FBXW7: variants seen among roughly 807,000 people sequenced by gnomAD.
The protein encoded by FBXW7 is F-box/WD repeat-containing protein 7.
Under a neutral mutation model 86.3 loss-of-function variants are expected in FBXW7, and 11 were observed. The observed-to-expected ratio is 0.13, with a 90% CI of 0.08 to 0.21. The LOEUF (loss-of-function observed/expected upper bound fraction) is 0.21, where lower values mean the gene tolerates loss of function less well. Ranked by LOEUF, FBXW7 falls within the 10% of genes least tolerant of loss-of-function variation. The pLI, the probability that FBXW7 is intolerant of heterozygous loss-of-function variation, is 1.00. For synonymous variants in FBXW7, 313 were observed against 297.9 expected (o/e 1.05, Z -0.52); for missense variants, 488 against 847.4 (o/e 0.58, Z 5.27).
chr4:152,369,051 A>G (rs888756621), intron 4 of FBXW7, among the ~76,000 whole-genome samples: 2 of 152,136 alleles, frequency 1.3e-5, no homozygotes, highest in Non-Finnish European at 2.9e-5. Flanking sequence ...TTCAAAATTT[A>G]TGCTGTGCAT....
At chr4:152,351,889 A>G (rs1222457504) in intron 4 of FBXW7, among the ~76,000 whole-genome samples, 1 of 152,166 alleles carries the variant, frequency 6.6e-6, no homozygotes, top group East Asian at 1.9e-4. Flanking sequence ...CAAGGAAACC[A>G]CTGAGAAAGG....
At chr4:152,391,798 T>C (rs116742659) in intron 4 of FBXW7, among the ~76,000 whole-genome samples, 11 of 152,208 alleles carry the variant, frequency 7.2e-5, no homozygotes, top group Non-Finnish European at 1.2e-4. Context: ...AGCTGCCAGG[T>C]AGTAGAGTTG....
intron 6 of FBXW7, among the ~76,000 whole-genome samples, chr4:152,341,580 A>C (rs1730744389): frequency 1.3e-5 from 2 of 152,230 alleles, no homozygotes; most frequent in Non-Finnish European, 2.9e-5. Flanking sequence ...TTACTGAATA[A>C]ATAAATGAAT....
At chr4:152,369,156 A>G (rs1733760130) in intron 4 of FBXW7, among the ~76,000 whole-genome samples, 1 of 152,140 alleles carries the variant, frequency 6.6e-6, no homozygotes, top group South Asian at 2.1e-4. Flanking sequence ...TATAAATTTT[A>G]CCAACACATC....
At chr4:152,441,124 G>C (rs970518927) in intron 2 of FBXW7, among the ~76,000 whole-genome samples, 1 of 151,970 alleles carries the variant, frequency 6.6e-6, no homozygotes, top group African/African-American at 2.4e-5. Context: ...TCAGCAACTC[G>C]AACTTATATG....
intron 2 of FBXW7, among the ~76,000 whole-genome samples, chr4:152,490,389 T>C (rs1391992281): frequency 1.3e-5 from 2 of 152,124 alleles, no homozygotes; most frequent in African/African-American, 4.8e-5. Context: ...TTGTTACTTA[T>C]TGGACTCCCT....
intron 2 of FBXW7, among the ~76,000 whole-genome samples, chr4:152,504,508 G>A (rs1204386847): frequency 6.6e-6 from 1 of 152,138 alleles, no homozygotes. Context: ...CTTAACTTCA[G>A]TAGCTCAATT....
At chr4:152,437,720 C>A (rs565943473) in intron 2 of FBXW7, among the ~76,000 whole-genome samples, 1 of 152,156 alleles carries the variant, frequency 6.6e-6, no homozygotes, top group Non-Finnish European at 1.5e-5. Flanking sequence ...TCAATCAATG[C>A]AGCAAACTTC....
At chr4:152,412,217 T>C (rs1400388700) in intron 3 of FBXW7, among the ~76,000 whole-genome samples, 1 of 152,090 alleles carries the variant, frequency 6.6e-6, no homozygotes, top group African/African-American at 2.4e-5. Flanking sequence ...CTATATCCTA[T>C]ATAAAACTTC....
At chr4:152,385,843 C>G (rs1452859037) in intron 4 of FBXW7, among the ~76,000 whole-genome samples, 2 of 151,874 alleles carry the variant, frequency 1.3e-5, no homozygotes, top group Non-Finnish European at 2.9e-5. Flanking sequence ...CTGTGTTTGT[C>G]ATAATATATT....
chr4:152,440,001 A>T (rs1303659008), intron 2 of FBXW7, among the ~76,000 whole-genome samples: 1 of 152,198 alleles, frequency 6.6e-6, no homozygotes, highest in Non-Finnish European at 1.5e-5. Context: ...TAAACACTTA[A>T]AAATTATTTT....
intron 2 of FBXW7, among the ~76,000 whole-genome samples, chr4:152,481,631 A>G (rs920512481): frequency 1.3e-5 from 2 of 152,224 alleles, no homozygotes; most frequent in Non-Finnish European, 2.9e-5. Context: ...TTCATTATTC[A>G]TGAGTGGAGA....
At chr4:152,364,120 C>A (rs554839834) in intron 4 of FBXW7, among the ~76,000 whole-genome samples, 3 of 152,238 alleles carry the variant, frequency 2.0e-5, no homozygotes, top group Admixed American at 1.3e-4. Context: ...AGCAGCTTGA[C>A]AACAAGTTAA....
At chr4:152,530,874 G>T (rs1749969318) in intron 2 of FBXW7, 1 of 152,222 alleles carries the variant, frequency 6.6e-6, no homozygotes, top group Non-Finnish European at 1.5e-5. Flanking sequence ...ATTGAAAGTT[G>T]TGACAGATCA....
chr4:152,403,443 A>T (rs954762201), intron 4 of FBXW7, among the ~76,000 whole-genome samples: 1 of 150,744 alleles, frequency 6.6e-6, no homozygotes, highest in African/African-American at 2.4e-5. Flanking sequence ...GCACCACTGC[A>T]CTCCAGCCTG....
chr4:152,453,238 A>G (rs1472100569), intron 2 of FBXW7, among the ~76,000 whole-genome samples: 1 of 152,204 alleles, frequency 6.6e-6, no homozygotes, highest in Non-Finnish European at 1.5e-5. Flanking sequence ...AAATGCTTGA[A>G]ATATTAAGGC....
At chr4:152,408,886 T>C (rs979651360) in intron 4 of FBXW7, among the ~76,000 whole-genome samples, 1 of 152,196 alleles carries the variant, frequency 6.6e-6, no homozygotes, top group African/African-American at 2.4e-5. Flanking sequence ...TCAAACAGTG[T>C]GAGCTTAATA....
At chr4:152,503,514 C>T (rs1009281938) in intron 2 of FBXW7, among the ~76,000 whole-genome samples, 3 of 152,090 alleles carry the variant, frequency 2.0e-5, no homozygotes, top group Non-Finnish European at 4.4e-5. Flanking sequence ...TCAAGAGATC[C>T]ACTTGCCTTG....
chr4:152,333,597 G>A (rs1279775623), intron 7 of FBXW7, among the ~76,000 whole-genome samples: 1 of 151,930 alleles, frequency 6.6e-6, no homozygotes, highest in Non-Finnish European at 1.5e-5. Flanking sequence ...GAGCAATTAA[G>A]TTCAGTTTTC....
Sources: allele counts gnomAD v4.1 joint callset (sites outside exome capture counted in the v4.1 genomes callset), GRCh38; gene constraint gnomAD v4.1.1; transcripts MANE v1.5; gene names NCBI Gene and HGNC (gene_info 2026-07-23, HGNC 2026-07-21).